ELMO1: variants seen among roughly 807,000 people sequenced by gnomAD.
ELMO1 encodes engulfment and cell motility 1, also known as engulfment and cell motility protein 1.
Under a neutral mutation model 98.9 loss-of-function variants are expected in ELMO1, and 26 were observed. That is an observed-to-expected ratio of 0.26 (90% confidence interval 0.19 to 0.36). The LOEUF is 0.36. ELMO1 is among the 10% of genes least tolerant of loss of function. ELMO1 has a pLI of 1.00. For synonymous variants in ELMO1, 346 were observed against 346.0 expected, an observed-to-expected ratio of 1.00 and a Z score of 0.00; for missense variants, 627 against 935.2, an observed-to-expected ratio of 0.67 and a Z score of 4.30.
intron 1 of ELMO1, among the ~76,000 whole-genome samples, chr7:37,437,569 A>G (rs1805201894): frequency 6.6e-6 from 1 of 152,258 alleles, no homozygotes; most frequent in East Asian, 1.9e-4. Context: ...TGATACATGT[A>G]TACCTAAGGA....
chr7:37,092,418 G>A (rs965981653), intron 15 of ELMO1, among the ~76,000 whole-genome samples: 7 of 121,166 alleles, frequency 5.8e-5, no homozygotes, highest in Admixed American at 1.2e-4. Context: ...TCGCTCTGTC[G>A]CCCAGGCTGG....
rs890528287 is a variant in ELMO1 at position 37,047,807 on chromosome 7, G to T, written c.1301-34372C>A. Among the ~76,000 whole-genome samples the T allele has an allele frequency of 2.6e-5, 4 of 151,964 alleles. No individual in the cohort carries two copies. In the East Asian group the frequency reaches 7.7e-4, roughly 29 times the overall value. ...GCATTCAGTTGAGCCTATCAGATAA[G>T]TATCTCCAGGAAAGAATTCATACAG... On this transcript the variant is annotated intron_variant, in intron 15 of 21. Coordinates refer to ENST00000310758, the MANE Select transcript of ELMO1 (RefSeq NM_014800.11).
intron 16 of ELMO1, among the ~76,000 whole-genome samples, chr7:36,926,410 G>T (rs906847686): frequency 7.2e-5 from 11 of 152,168 alleles, no homozygotes; most frequent in Non-Finnish European, 1.6e-4. Flanking sequence ...ACCTAGGTGG[G>T]CATTTTTTTC....
chr7:37,107,393 T>C lies in ELMO1; in HGVS notation c.1192-10666A>G, dbSNP rs139740286. On this transcript the variant is annotated intron_variant, in intron 14 of 21. Coordinates refer to ENST00000310758, the MANE Select transcript of ELMO1 (RefSeq NM_014800.11). ...AAGAAGAAACTGATGTCAAACTCTCTCCTAAGGCATCTTTTTAACATTCCA... is the reference window on the plus strand; with the variant it reads ...AAGAAGAAACTGATGTCAAACTCTCCCCTAAGGCATCTTTTTAACATTCCA... 8.1e-4 allele frequency among the ~76,000 whole-genome samples: 123 copies of C among 152,278 alleles called. 1 individual carries two copies. The East Asian group carries it at 0.023, about 28-fold the overall frequency.
At chr7:37,414,947 T>A (rs545404752) in intron 1 of ELMO1, among the ~76,000 whole-genome samples, 1 of 152,326 alleles carries the variant, frequency 6.6e-6, no homozygotes, top group Non-Finnish European at 1.5e-5. Flanking sequence ...GCAGTAAAAA[T>A]CTTGAGAAAT....
chr7:37,263,677 T>C (rs1008429187), intron 5 of ELMO1, among the ~76,000 whole-genome samples: 3 of 152,124 alleles, frequency 2.0e-5, no homozygotes, highest in Non-Finnish European at 1.5e-5. Flanking sequence ...AGTGGAATAT[T>C]CTGGGCAGCA....
intron 1 of ELMO1, among the ~76,000 whole-genome samples, chr7:37,421,345 T>C: frequency 6.6e-6 from 1 of 152,222 alleles, no homozygotes; most frequent in Non-Finnish European, 1.5e-5. Flanking sequence ...GCCCACCACA[T>C]ATTTTCTGAT....
intron 8 of ELMO1, among the ~76,000 whole-genome samples, chr7:37,226,600 T>G (rs1357238391): frequency 3.3e-5 from 5 of 152,100 alleles, no homozygotes; most frequent in Non-Finnish European, 2.9e-5. Context: ...ACTGAAGAAC[T>G]CATAAAGAAA....
At chr7:36,942,136 T>C (rs1251303034) in intron 16 of ELMO1, among the ~76,000 whole-genome samples, 1 of 152,198 alleles carries the variant, frequency 6.6e-6, no homozygotes, top group African/African-American at 2.4e-5. Context: ...CACAGACAAT[T>C]TTTTTCAAGG....
At chr7:37,327,223 C>T (rs1270076081) in intron 2 of ELMO1, among the ~76,000 whole-genome samples, 1 of 152,236 alleles carries the variant, frequency 6.6e-6, no homozygotes, top group Non-Finnish European at 1.5e-5. Flanking sequence ...GAATGATTCA[C>T]AGGGAGAATC....
At chr7:36,913,730 A>G (rs1274583426) in intron 16 of ELMO1, among the ~76,000 whole-genome samples, 2 of 152,236 alleles carry the variant, frequency 1.3e-5, no homozygotes, top group African/African-American at 4.8e-5. Flanking sequence ...GATGTATACA[A>G]GAGTTAAAAT....
At chr7:37,237,582 G>A (rs1562543027) in intron 7 of ELMO1, among the ~76,000 whole-genome samples, 4 of 152,136 alleles carry the variant, frequency 2.6e-5, no homozygotes, top group Admixed American at 2.6e-4. Flanking sequence ...GAACCACCAT[G>A]CCCGGCCCCA....
intron 1 of ELMO1, among the ~76,000 whole-genome samples, chr7:37,384,795 G>A (rs1802727484): frequency 6.6e-6 from 1 of 151,746 alleles, no homozygotes; most frequent in South Asian, 2.1e-4. Context: ...TTGAGAGGTT[G>A]CCTCAGAAAT....
intron 1 of ELMO1, among the ~76,000 whole-genome samples, chr7:37,428,369 C>T (rs1804795253): frequency 1.3e-5 from 2 of 152,098 alleles, no homozygotes; most frequent in African/African-American, 2.4e-5. Flanking sequence ...AGAACTCAAG[C>T]TAATGAATCC....
At chr7:37,391,063 CCTCCCTCCCTCT>C (rs1228464153) in intron 1 of ELMO1, among the ~76,000 whole-genome samples, 3 of 146,678 alleles carry the variant, frequency 2.0e-5, no homozygotes, top group Non-Finnish European at 4.4e-5. Flanking sequence ...TTCCTTCCTC[CCTCCCTCCCTCT>C]CTCCCTCCCT....
intron 16 of ELMO1, among the ~76,000 whole-genome samples, chr7:36,935,085 C>T (rs1189086961): frequency 6.6e-6 from 1 of 152,182 alleles, no homozygotes; most frequent in African/African-American, 2.4e-5. Context: ...AATTGTAGCT[C>T]CCATAATTCC....
rs543602109 is a variant in ELMO1 at position 37,201,680 on chromosome 7, G to T, written c.1086+9706C>A. The stretch of plus-strand genomic sequence containing the variant: ...TCAAACGTTTCAGGCTTATAAGCAG[G>T]GTTGCAACGTAACAGAATGTCCCAG... On this transcript the variant is annotated intron_variant, in intron 13 of 21. Transcript: ENST00000310758. Among the ~76,000 whole-genome samples, 4 of 152,298 alleles carry T rather than the reference G, an allele frequency of 2.6e-5. No homozygotes were observed. The South Asian group carries it at 8.3e-4, about 32-fold the overall frequency.
chr7:37,086,748 A>C (rs1335906181), intron 15 of ELMO1, among the ~76,000 whole-genome samples: 1 of 120,218 alleles, frequency 8.3e-6, no homozygotes, highest in Non-Finnish European at 1.8e-5. Context: ...GTCTCCAAAA[A>C]AAAAAAAAAA....
chr7:37,159,989 A>T (rs1032078273), intron 13 of ELMO1, among the ~76,000 whole-genome samples: 2 of 152,118 alleles, frequency 1.3e-5, no homozygotes, highest in Non-Finnish European at 2.9e-5. Flanking sequence ...TCCACATTTT[A>T]TTAATTAAAA....
Sources: allele counts gnomAD v4.1 joint callset (sites outside exome capture counted in the v4.1 genomes callset), GRCh38; gene constraint gnomAD v4.1.1; transcripts MANE v1.5; gene names NCBI Gene and HGNC (gene_info 2026-07-23, HGNC 2026-07-21).